RPS24: variants seen among roughly 807,000 people sequenced by gnomAD.
RPS24 encodes the protein ribosomal protein S24.
For missense variants in RPS24, 100 were observed against 162.5 expected, an observed-to-expected ratio of 0.62 and a Z score of 2.09; for synonymous variants, 72 against 55.6, an observed-to-expected ratio of 1.30 and a Z score of -1.31.
At position 78,035,720 on chromosome 10, in the gene RPS24, A is replaced by G. The variant is rs761470312; in HGVS notation, c.279A>G (p.Arg93=). ...ATGAACCCAAACATAGACTTGCAAGAGTAGGTGTCTTTTCATTTGTTGATC... is the reference window on the plus strand; with the variant it reads ...ATGAACCCAAACATAGACTTGCAAGGGTAGGTGTCTTTTCATTTGTTGATC... The part of the protein sequence containing the change: ...KKNEPKHRLA[R]HGLYEKKKTS... The change falls in exon 3 of 6, where the codon AGA becomes AGG. Residue 93 remains arginine, a splice_region_variant and synonymous_variant. Coordinates refer to ENST00000372360, the MANE Select transcript of RPS24 (RefSeq NM_033022.4). The G allele has an allele frequency of 6.3e-7, 1 of 1,598,118 alleles. No individual in the cohort carries two copies. Among genetic ancestry groups the G allele is most frequent in the South Asian group, 1.1e-5 (1 of 91,052 alleles).
At chr10:78,040,507 C>A in intron 5 of RPS24, 108 bp from the exon 6 acceptor site, 1 of 847,118 alleles carries the variant, frequency 1.2e-6, no homozygotes, top group Non-Finnish European at 2.1e-6. Context: ...ACTTGATATT[C>A]TAGGTTACTA....
At chr10:78,045,236 C>T (rs567036289), downstream of RPS24, among the ~76,000 whole-genome samples, 19 of 152,054 alleles carry the variant, frequency 1.2e-4, no homozygotes, top group Non-Finnish European at 2.4e-4. Context: ...GATCTGCCCA[C>T]CCCGCCTCCC....
downstream of RPS24, chr10:78,040,839 T>G (rs1411069264): frequency 9.1e-6 from 6 of 655,818 alleles, no homozygotes; most frequent in Non-Finnish European, 1.6e-5. Context: ...GTTTGTTTGC[T>G]GCTTGGTTTA....
chr10:78,045,620 T>C (rs765562312), downstream of RPS24, among the ~76,000 whole-genome samples: 23 of 151,972 alleles, frequency 1.5e-4, no homozygotes, highest in Admixed American at 2.6e-4. Context: ...TAGCTGGAAC[T>C]ACAGGCGCCT....
In RPS24 at chr10:78,035,550, A is replaced by G; in HGVS notation, c.109A>G (p.Lys37Glu). The change falls in exon 3 of 6, where the codon AAG becomes GAG. Residue 37 changes from lysine to glutamate, a missense_variant. Physicochemically the swap from Lys to Glu is moderately conservative, Grantham distance 56. Transcript: ENST00000372360. ...VLHPGKATVP[K>E]TEIREKLAKM... is the part of the protein sequence containing the mutation. ...TCACCCCGGGAAGGCGACAGTGCCT[A>G]AGACAGAAATTCGGGAAAAACTAGC... is the stretch of plus-strand genomic sequence containing the variant. 3 of 1,614,190 alleles carry G rather than the reference A, an allele frequency of 1.9e-6. No homozygotes were observed. The highest frequency in any genetic ancestry group is 1.1e-5 in the South Asian group (1 of 91,080).
chr10:78,054,499 CTG>C, intron 4 of RPS24: 1 of 1,505,464 alleles, frequency 6.6e-7, no homozygotes, highest in Non-Finnish European at 8.9e-7. Context: ...GGACAATCCT[CTG>C]AGACTATTCT....
intron 3 of RPS24, chr10:78,036,531 C>T (rs1429131118): frequency 1.3e-5 from 2 of 153,518 alleles, no homozygotes; most frequent in Non-Finnish European, 2.9e-5. Flanking sequence ...GTCTTGAACT[C>T]CTGACCTCGT....
exon 5 of RPS24, chr10:78,054,714 G>A (rs745348586): frequency 6.3e-5 from 98 of 1,551,580 alleles, no homozygotes; most frequent in Non-Finnish European, 7.9e-5. Flanking sequence ...GTATTTACAG[G>A]TGGCCGTTAC....
Position 78,040,120 on chromosome 10 carries a change from T to C in RPS24, c.391-84T>C, listed in dbSNP as rs1169074464. On this transcript the variant is annotated intron_variant, in intron 4 of 5. Coordinates refer to ENST00000372360, the MANE Select transcript of RPS24 (RefSeq NM_033022.4). ...CTGATTGCATGCACTTAAATGCAGA[T>C]TATTTTGGAGTTTGAAAAGGGACTA... 102 of 1,316,824 alleles carry C rather than the reference T, an allele frequency of 7.7e-5. 1 individual carries two copies. In the Admixed American group the frequency reaches 1.7e-3, roughly 22 times the overall value. 81.6% of individuals were successfully genotyped at this position (1,316,824 alleles called of 1,614,324 possible). A position where few individuals can be genotyped will look rare whatever the true frequency, so the allele number is the denominator to read the frequency against.
At chr10:78,046,596 C>T (rs984408040) in intron 4 of RPS24, among the ~76,000 whole-genome samples, 5 of 152,100 alleles carry the variant, frequency 3.3e-5, no homozygotes, top group African/African-American at 1.2e-4. Flanking sequence ...CTCAGGTGAC[C>T]CACCTGCCTC....
intron 1 of RPS24, chr10:78,034,399 C>T (rs1847813641): frequency 5.3e-6 from 1 of 187,804 alleles, no homozygotes; most frequent in South Asian, 1.0e-4. Context: ...GAAACAGGCC[C>T]TGGAAAGAGA....
chr10:78,038,897 G>T (rs1449062493), intron 4 of RPS24: 1 of 152,202 alleles, frequency 6.6e-6, no homozygotes, highest in Non-Finnish European at 1.5e-5. Context: ...CTTCCAAAGT[G>T]CTGGGATTAC....
chr10:78,037,902 CTTTTTT>C (rs55902139), intron 4 of RPS24: 323 of 379,394 alleles, frequency 8.5e-4, no homozygotes, highest in East Asian at 3.1e-3. Context: ...GTTCTGTGAA[CTTTTTT>C]TTTTTTTTTT....
rs111633182 is a variant in RPS24, at chr10:78,038,610, T to C, written c.390+1306T>C. On this transcript the variant is annotated intron_variant, in intron 4 of 5. Transcript: ENST00000372360. ...TTCATATAAAAGTCTTTGGTGGATA[T>C]GCTTTTTCCCACAAGCACTTGGTTA... 3.9e-5 allele frequency: 6 copies of C among 152,154 alleles called. 1 individual carries two copies. The highest frequency in any genetic ancestry group is 1.4e-4 in the African/African-American group (6 of 41,506). 9.4% of individuals were successfully genotyped at this position (152,154 alleles called of 1,614,324 possible).
downstream of RPS24, among the ~76,000 whole-genome samples, chr10:78,044,624 C>G (rs921737643): frequency 1.3e-5 from 2 of 151,786 alleles, no homozygotes; most frequent in African/African-American, 4.9e-5. Context: ...CCCATCCACT[C>G]ACCCTTGAAC....
intron 4 of RPS24, among the ~76,000 whole-genome samples, chr10:78,047,235 G>T (rs1238753659): frequency 6.6e-6 from 1 of 151,920 alleles, no homozygotes; most frequent in Non-Finnish European, 1.5e-5. Context: ...AAAAGTGCTG[G>T]GATTATAGGT....
At position 78,033,896 on chromosome 10, in the gene RPS24, G is replaced by C; in HGVS notation, c.-6G>C. Reference sequence around the variant, plus strand: ...CTCCTTGGCTGTCTGAAGATAGATCGCCATCATGGTGAGTCTCCCTGGGCC... The same window carrying C: ...CTCCTTGGCTGTCTGAAGATAGATCCCCATCATGGTGAGTCTCCCTGGGCC... On this transcript the variant is annotated 5_prime_UTR_variant, in exon 1 of 6. Coordinates refer to ENST00000372360, the MANE Select transcript of RPS24 (RefSeq NM_033022.4). 1 of 1,614,080 alleles carries C rather than the reference G, an allele frequency of 6.2e-7. No homozygotes were observed. Among genetic ancestry groups the C allele is most frequent in the Non-Finnish European group, 8.5e-7 (1 of 1,179,980 alleles).
chr10:78,043,840 G>A (rs964439173), downstream of RPS24, among the ~76,000 whole-genome samples: 1 of 152,176 alleles, frequency 6.6e-6, no homozygotes, highest in Non-Finnish European at 1.5e-5. Context: ...TCGGTCAACT[G>A]CAGTCTGGAA....
chr10:78,037,901 A>C (rs998755892), intron 4 of RPS24: 2 of 787,714 alleles, frequency 2.5e-6, no homozygotes, highest in Non-Finnish European at 3.4e-6. Context: ...TGTTCTGTGA[A>C]CTTTTTTTTT....
Sources: allele counts gnomAD v4.1 joint callset (sites outside exome capture counted in the v4.1 genomes callset), GRCh38; gene constraint gnomAD v4.1.1; transcripts MANE v1.5; gene names NCBI Gene and HGNC (gene_info 2026-07-23, HGNC 2026-07-21).